The following SLC41A2 variants were observed in gnomAD, a reference collection of about 807,000 sequenced individuals.
SLC41A2 encodes solute carrier family 41 member 2.
Under a neutral mutation model 58.3 loss-of-function variants are expected in SLC41A2, and 32 were observed. The ratio of observed to expected loss-of-function variants is 0.55; its 90% CI spans 0.41 to 0.74. The LOEUF is 0.74. Ranked by LOEUF, SLC41A2 falls within the 30% of genes least tolerant of loss-of-function variation. The probability of loss-of-function intolerance (pLI) is 0.00; values close to 1 mark genes in which losing one functional copy is unlikely to be tolerated. For missense variants in SLC41A2, 514 were observed against 680.6 expected (o/e 0.76, Z 2.72); for synonymous variants, 190 against 235.0 (o/e 0.81, Z 1.75).
At chr12:104,824,082 G>A (rs2041748540) in intron 10 of SLC41A2, among the ~76,000 whole-genome samples, 1 of 152,110 alleles carries the variant, frequency 6.6e-6, no homozygotes, top group African/African-American at 2.4e-5. Context: ...AGTGCTGAAG[G>A]GAAGGGAAGT....
At chr12:104,848,573 A>C (rs1160305704) in intron 8 of SLC41A2, among the ~76,000 whole-genome samples, 1 of 152,172 alleles carries the variant, frequency 6.6e-6, no homozygotes, top group African/African-American at 2.4e-5. Context: ...AATATCAAGA[A>C]TGAAAGAGAA....
intron 6 of SLC41A2, among the ~76,000 whole-genome samples, chr12:104,884,759 T>C (rs993864049): frequency 1.1e-4 from 17 of 152,342 alleles, no homozygotes; most frequent in African/African-American, 4.1e-4. Flanking sequence ...ATACAGCCTA[T>C]TAGTGACAGT....
chr12:104,879,321 C>A (rs10861287), intron 6 of SLC41A2, among the ~76,000 whole-genome samples: 81,101 of 152,006 alleles, frequency 0.53, 22,220 homozygotes, highest in Middle Eastern at 0.64. Flanking sequence ...TAATTAGATC[C>A]CATTTGTCTA....
chr12:104,861,093 C>T (rs1043966261), intron 8 of SLC41A2, among the ~76,000 whole-genome samples, 198 bp downstream of exon 8: 5 of 152,142 alleles, frequency 3.3e-5, no homozygotes, highest in Non-Finnish European at 4.4e-5. Context: ...AGAAAGATTA[C>T]TTTTCAGAAA....
intron 3 of SLC41A2, among the ~76,000 whole-genome samples, chr12:104,903,274 T>C (rs1402679358): frequency 2.0e-5 from 3 of 152,214 alleles, no homozygotes; most frequent in Non-Finnish European, 2.9e-5. Context: ...TGTTAAAAAA[T>C]ATCTATCAGA....
At chr12:104,903,592 C>A (rs1000372955) in intron 3 of SLC41A2, among the ~76,000 whole-genome samples, 1 of 152,220 alleles carries the variant, frequency 6.6e-6, no homozygotes, top group Admixed American at 6.5e-5. Flanking sequence ...TGCTGCTGAT[C>A]AGAAGAGCAC....
chr12:104,928,533 C>T lies in SLC41A2; in HGVS notation c.-6G>A. 6.8e-7 allele frequency: 1 copy of T among 1,478,066 alleles called. No homozygotes were observed. The highest frequency in any genetic ancestry group is 1.4e-5 in the South Asian group (1 of 70,698). 91.6% of individuals were successfully genotyped at this position (1,478,066 alleles called of 1,614,324 possible). On this transcript the variant is annotated 5_prime_UTR_variant, in exon 2 of 11. It removes an upstream start codon present in the reference 5' UTR. Coordinates refer to ENST00000258538, the MANE Select transcript of SLC41A2 (RefSeq NM_001352171.3). ...CTTCCTTTACTATTAGTCATATTGT[C>T]ATCACAAAAGACCCTGTACTCCTTA... is the stretch of plus-strand genomic sequence containing the variant.
chr12:104,884,053 C>T (rs1002818062), intron 6 of SLC41A2, among the ~76,000 whole-genome samples: 8 of 152,200 alleles, frequency 5.3e-5, no homozygotes, highest in African/African-American at 1.9e-4. Flanking sequence ...CAATGGCGGA[C>T]GCCCCTCCCC....
intron 10 of SLC41A2, among the ~76,000 whole-genome samples, chr12:104,821,442 G>A (rs571095835): frequency 1.3e-5 from 2 of 152,088 alleles, no homozygotes; most frequent in East Asian, 3.9e-4. Context: ...AATCTAAAAA[G>A]TCCATTAAAA....
chr12:104,912,513 G>C (rs1325525978), intron 2 of SLC41A2, among the ~76,000 whole-genome samples: 2 of 152,158 alleles, frequency 1.3e-5, no homozygotes, highest in African/African-American at 2.4e-5. Context: ...CTGAACATTT[G>C]GAAGTTCCTG....
chr12:104,883,622 CCT>C (rs1467498928), intron 6 of SLC41A2, among the ~76,000 whole-genome samples: 5 of 152,138 alleles, frequency 3.3e-5, no homozygotes, highest in Admixed American at 1.3e-4. Context: ...CACTCCAGAC[CCT>C]GTTTTCCTGG....
intron 6 of SLC41A2, among the ~76,000 whole-genome samples, chr12:104,870,067 C>A (rs75477746): frequency 6.4e-4 from 97 of 152,012 alleles, no homozygotes; most frequent in African/African-American, 2.0e-3. Context: ...CTACCTTATA[C>A]GGCAAAAGGG....
In SLC41A2 at chr12:104,905,756, G is replaced by T. The variant is rs576867688; in HGVS notation, c.663+3899C>A. Among the ~76,000 whole-genome samples the T allele has an allele frequency of 2.2e-3, 332 of 152,372 alleles. 1 individual carries two copies. Among genetic ancestry groups the T allele is most frequent in the Non-Finnish European group, 3.9e-3 (268 of 68,024 alleles). On this transcript the variant is annotated intron_variant, in intron 3 of 10. Transcript: ENST00000258538. ...ACACCCTCCGCAGCCACTGGCCCGG[G>T]TGCTAAGTCCCCCATTGCCCGGGGA...
At chr12:104,830,717 T>C (rs2042007258) in intron 10 of SLC41A2, among the ~76,000 whole-genome samples, 1 of 152,180 alleles carries the variant, frequency 6.6e-6, no homozygotes, top group Non-Finnish European at 1.5e-5. Context: ...TATTTCTTCA[T>C]ATTCTCCTTC....
At chr12:104,850,101 G>T (rs1429149163) in intron 8 of SLC41A2, among the ~76,000 whole-genome samples, 1 of 152,170 alleles carries the variant, frequency 6.6e-6, no homozygotes, top group East Asian at 1.9e-4. Context: ...GGTGCTAAAA[G>T]TTGAAAGCTT....
intron 1 of SLC41A2, among the ~76,000 whole-genome samples, chr12:104,936,445 C>T (rs948437377): frequency 5.9e-5 from 9 of 151,836 alleles, no homozygotes; most frequent in African/African-American, 2.2e-4. Flanking sequence ...AAAGACATAC[C>T]CAAGACTGGG....
At chr12:104,840,465 A>C (rs1295928238) in intron 10 of SLC41A2, among the ~76,000 whole-genome samples, 1 of 152,248 alleles carries the variant, frequency 6.6e-6, no homozygotes, top group Non-Finnish European at 1.5e-5. Context: ...CTGATGGTAT[A>C]AAAGGTATAA....
intron 4 of SLC41A2, among the ~76,000 whole-genome samples, chr12:104,890,660 G>A (rs1268239297): frequency 6.6e-6 from 1 of 152,202 alleles, no homozygotes; most frequent in East Asian, 1.9e-4. Context: ...CAAAGTCTGG[G>A]TTTAAGTAGT....
chr12:104,941,742 A>C (rs1228065263), intron 1 of SLC41A2, among the ~76,000 whole-genome samples: 1 of 152,244 alleles, frequency 6.6e-6, no homozygotes, highest in African/African-American at 2.4e-5. Flanking sequence ...AAAGTGAAAA[A>C]TATCAAATAG....
Sources: allele counts gnomAD v4.1 joint callset (sites outside exome capture counted in the v4.1 genomes callset), GRCh38; gene constraint gnomAD v4.1.1; transcripts MANE v1.5; gene names NCBI Gene and HGNC (gene_info 2026-07-23, HGNC 2026-07-21).